The following RALYL variants were observed in gnomAD, a reference collection of about 807,000 sequenced individuals.
RALYL encodes RNA-binding Raly-like protein.
A neutral mutation model predicts 35.1 loss-of-function variants in RALYL; 29 were observed. The observed-to-expected ratio is 0.83, with a 90% confidence interval of 0.61 to 1.13. The LOEUF is 1.13. Ranked by LOEUF, RALYL falls within the 50% of genes most tolerant of loss-of-function variation. The pLI is 0.00. For synonymous variants in RALYL, 120 were observed against 127.6 expected, an observed-to-expected ratio of 0.94 and a Z score of 0.40; for missense variants, 359 against 360.4, an observed-to-expected ratio of 1.00 and a Z score of 0.03.
intron 2 of RALYL, among the ~76,000 whole-genome samples, chr8:84,579,517 G>A (rs1442087833): frequency 6.6e-6 from 1 of 152,176 alleles, no homozygotes; most frequent in Admixed American, 6.5e-5. Flanking sequence ...CCCTGGCTGT[G>A]CCTCCTCTGT....
intron 2 of RALYL, among the ~76,000 whole-genome samples, chr8:84,535,558 C>A (rs1433291621): frequency 2.6e-5 from 4 of 151,656 alleles, no homozygotes; most frequent in Admixed American, 2.6e-4. Flanking sequence ...GCCTCAGCCT[C>A]CTGAGTAGCT....
chr8:84,274,375 G>T (rs982118267), intron 1 of RALYL, among the ~76,000 whole-genome samples: 4 of 151,740 alleles, frequency 2.6e-5, no homozygotes, highest in Admixed American at 1.3e-4. Flanking sequence ...ACTAATATTC[G>T]CTCTGGTTAA....
chr8:84,591,161 T>A (rs1252203), intron 2 of RALYL, among the ~76,000 whole-genome samples: 6 of 152,100 alleles, frequency 3.9e-5, no homozygotes, highest in African/African-American at 1.2e-4. Context: ...AAAATAACAT[T>A]TTCCTGAGTT....
chr8:84,210,477 A>G (rs1181839657), intron 1 of RALYL, among the ~76,000 whole-genome samples: 1 of 147,590 alleles, frequency 6.8e-6, no homozygotes, highest in Non-Finnish European at 1.5e-5. Context: ...TCATAAAAAC[A>G]ATACTTCATT....
intron 8 of RALYL, among the ~76,000 whole-genome samples, chr8:84,917,247 AC>A (rs1467207889): frequency 1.3e-5 from 2 of 152,012 alleles, no homozygotes; most frequent in African/African-American, 4.8e-5. Context: ...TAGGATAAAG[AC>A]ATGAGAATTA....
chr8:84,533,903 G>T (rs1240966963), intron 2 of RALYL, among the ~76,000 whole-genome samples: 2 of 152,208 alleles, frequency 1.3e-5, no homozygotes, highest in Admixed American at 6.5e-5. Context: ...TCAAATGCTT[G>T]TAACAATTCC....
Position 84,196,741 on chromosome 8 carries a change from T to A in RALYL, c.-24+12317T>A, listed in dbSNP as rs1815393588. Among the ~76,000 whole-genome samples the A allele has an allele frequency of 2.0e-5, 3 of 148,966 alleles. No individual in the cohort carries two copies. In the South Asian group the frequency reaches 6.4e-4, roughly 32 times the overall value. On this transcript the variant is annotated intron_variant, in intron 1 of 8. Coordinates refer to ENST00000521268, the MANE Select transcript of RALYL (RefSeq NM_173848.7). ...CTTATCGGAGATTATCCAAGATAGATTTTTTAAATACTCTCTGATCATTTC... is the reference window on the plus strand; with the variant it reads ...CTTATCGGAGATTATCCAAGATAGAATTTTTAAATACTCTCTGATCATTTC...
At chr8:84,192,396 G>T (rs1266234199) in intron 1 of RALYL, among the ~76,000 whole-genome samples, 1 of 152,178 alleles carries the variant, frequency 6.6e-6, no homozygotes, top group African/African-American at 2.4e-5. Flanking sequence ...AGTGCTTGAA[G>T]ATTTATTTTA....
At chr8:84,714,531 TAAAA>T (rs1273548378) in intron 2 of RALYL, among the ~76,000 whole-genome samples, 4 of 151,494 alleles carry the variant, frequency 2.6e-5, no homozygotes, top group Non-Finnish European at 5.9e-5. Flanking sequence ...TAAACTAAAA[TAAAA>T]TACTGTCATG....
At chr8:84,842,810 C>A (rs1463415403) in intron 4 of RALYL, among the ~76,000 whole-genome samples, 1 of 152,100 alleles carries the variant, frequency 6.6e-6, no homozygotes, top group Admixed American at 6.5e-5. Flanking sequence ...AAGGCTGGTT[C>A]AACATAAGCA....
chr8:84,632,160 TA>T (rs375271594), intron 2 of RALYL, among the ~76,000 whole-genome samples: 146 of 151,988 alleles, frequency 9.6e-4, no homozygotes, highest in African/African-American at 3.2e-3. Flanking sequence ...AGATGCCGTC[TA>T]TGAACAAGAA....
intron 1 of RALYL, among the ~76,000 whole-genome samples, chr8:84,283,987 C>G (rs999744536): frequency 6.6e-6 from 1 of 151,838 alleles, no homozygotes; most frequent in African/African-American, 2.4e-5. Context: ...TATTGTAGAA[C>G]AGTAAATTAA....
At chr8:84,747,813 T>C (rs2133156575) in intron 2 of RALYL, among the ~76,000 whole-genome samples, 1 of 152,112 alleles carries the variant, frequency 6.6e-6, no homozygotes, top group Admixed American at 6.6e-5. Flanking sequence ...ATCTAAATCA[T>C]GTGATAGACA....
chr8:84,559,143 TA>T (rs370467391), intron 2 of RALYL, among the ~76,000 whole-genome samples: 94 of 152,060 alleles, frequency 6.2e-4, no homozygotes, highest in Non-Finnish European at 1.2e-3. Flanking sequence ...TACTGAGTGA[TA>T]TTTTTTATTT....
At chr8:84,282,900 C>T (rs746166985) in intron 1 of RALYL, among the ~76,000 whole-genome samples, 5 of 151,838 alleles carry the variant, frequency 3.3e-5, no homozygotes, top group Admixed American at 6.6e-5. Context: ...GCGCGTTCAA[C>T]TAAGTGGATT....
chr8:84,780,853 T>TTTTGTTTG (rs1028584736), intron 3 of RALYL, among the ~76,000 whole-genome samples: 2 of 152,112 alleles, frequency 1.3e-5, no homozygotes, highest in Non-Finnish European at 2.9e-5. Flanking sequence ...TTTTCTTGTT[T>TTTTGTTTG]TTTGTTTGTT....
At chr8:84,489,141 C>A (rs940616032) in intron 1 of RALYL, among the ~76,000 whole-genome samples, 3 of 151,986 alleles carry the variant, frequency 2.0e-5, no homozygotes, top group Admixed American at 6.6e-5. Flanking sequence ...CAAATATGAG[C>A]ATAAAGGAAT....
chr8:84,552,126 T>C (rs1161041745), intron 2 of RALYL, among the ~76,000 whole-genome samples: 1 of 151,210 alleles, frequency 6.6e-6, no homozygotes, highest in Non-Finnish European at 1.5e-5. Flanking sequence ...GAAGTTTTTT[T>C]TTTTTTTGAC....
chr8:84,791,789 T>A (rs1350883376), intron 3 of RALYL, among the ~76,000 whole-genome samples: 2 of 151,382 alleles, frequency 1.3e-5, no homozygotes, highest in Non-Finnish European at 3.0e-5. Context: ...TTTATTAACT[T>A]AAAAAAAAAC....
Sources: allele counts gnomAD v4.1 joint callset (sites outside exome capture counted in the v4.1 genomes callset), GRCh38; gene constraint gnomAD v4.1.1; transcripts MANE v1.5; gene names NCBI Gene and HGNC (gene_info 2026-07-23, HGNC 2026-07-21).